Variants in SLCO3A1 observed in about 807,000 individuals in gnomAD.
The protein encoded by SLCO3A1 is solute carrier organic anion transporter family member 3A1.
Under a neutral mutation model 63.1 loss-of-function variants are expected in SLCO3A1, and 27 were observed. The observed-to-expected ratio is 0.43, with a 90% CI of 0.32 to 0.59. The LOEUF (loss-of-function observed/expected upper bound fraction) is 0.59. SLCO3A1 is among the 20% of genes least tolerant of loss of function. SLCO3A1 has a pLI of 0.09. For missense variants in SLCO3A1, 773 were observed against 945.8 expected, an observed-to-expected ratio of 0.82 and a Z score of 2.40; for synonymous variants, 473 against 409.9, an observed-to-expected ratio of 1.15 and a Z score of -1.86.
chr15:91,860,376 T>C lies in SLCO3A1; in HGVS notation c.180+6288T>C, dbSNP rs575718373. On this transcript the variant is annotated intron_variant, in intron 1 of 9. Transcript: ENST00000318445. The surrounding 1 kb of genome is among the most constrained non-coding windows in gnomAD (Gnocchi z 5.5). ...AGCCTCATCTGAAAAATGGGGATAA[T>C]GATCAAGCTTATCTTACAGATGGTT... is the stretch of plus-strand genomic sequence containing the variant. 3.8e-4 allele frequency among the ~76,000 whole-genome samples: 58 copies of C among 152,342 alleles called. No individual in the cohort carries two copies. The highest frequency in any genetic ancestry group is 1.3e-3 in the African/African-American group (56 of 41,586).
rs1337034638 is a variant in SLCO3A1, at chr15:92,094,759, T to G, written c.647-122T>G. On this transcript the variant is annotated intron_variant, in intron 2 of 9. Transcript: ENST00000318445. ...ATTCAGCCTTTCCCCTCTAGGATTT[T>G]TAGATGAATTCCTAATGTCATCTCA... 4 of 642,826 alleles carry G rather than the reference T, an allele frequency of 6.2e-6. No individual in the cohort carries two copies. In the East Asian group the frequency reaches 8.0e-5, roughly 13 times the overall value. 39.8% of individuals were successfully genotyped at this position (642,826 alleles called of 1,614,324 possible).
chr15:91,880,260 C>T (rs1329373257), intron 1 of SLCO3A1, among the ~76,000 whole-genome samples: 1 of 152,046 alleles, frequency 6.6e-6, no homozygotes, highest in African/African-American at 2.4e-5. Context: ...ATCCTGTACA[C>T]ACTCTACCCA....
chr15:92,108,129 C>T (rs1004433474), intron 4 of SLCO3A1, among the ~76,000 whole-genome samples: 17 of 152,154 alleles, frequency 1.1e-4, no homozygotes, highest in African/African-American at 2.2e-4. Context: ...ATGGAAAGCC[C>T]GGAGTCTTGC....
intron 1 of SLCO3A1, among the ~76,000 whole-genome samples, chr15:91,864,880 C>T (rs1199833101): frequency 1.3e-5 from 2 of 152,316 alleles, no homozygotes. Flanking sequence ...TTTCTTCCTA[C>T]CTCCCTCCAC....
At chr15:92,028,232 A>G (rs2046600228) in intron 2 of SLCO3A1, among the ~76,000 whole-genome samples, 1 of 152,030 alleles carries the variant, frequency 6.6e-6, no homozygotes, top group African/African-American at 2.4e-5. Flanking sequence ...CCTCCTGGGA[A>G]TTTCCACAAG....
intron 4 of SLCO3A1, 83 bp downstream of exon 4, chr15:92,104,625 C>T (rs989311359): frequency 1.4e-6 from 2 of 1,427,376 alleles, no homozygotes; most frequent in Non-Finnish European, 1.9e-6. Flanking sequence ...GCACCCAGGA[C>T]TGGGGTGCTT....
chr15:91,931,819 A>ACACACACACT (rs1219494698), intron 2 of SLCO3A1, among the ~76,000 whole-genome samples: 2 of 151,704 alleles, frequency 1.3e-5, no homozygotes, highest in African/African-American at 4.9e-5. Context: ...ACACACACAC[A>ACACACACACT]CACTCACACA....
chr15:92,133,205 C>T (rs4777704), intron 7 of SLCO3A1, among the ~76,000 whole-genome samples: 26,810 of 145,532 alleles, frequency 0.18, 5,440 homozygotes, highest in East Asian at 0.37. Flanking sequence ...ACATGTCCCT[C>T]GGGGGATATC....
At position 91,957,141 on chromosome 15, in the gene SLCO3A1, ATTATAATATATATATATATTTT is replaced by A. The variant is rs1567037843; in HGVS notation, c.646+40686_646+40707del. Among the ~76,000 whole-genome samples the A allele has an allele frequency of 3.5e-4, 3 of 8,508 alleles. No individual in the cohort carries two copies. In the African/African-American group the frequency reaches 3.7e-3, roughly 10 times the overall value. 5.6% of individuals were successfully genotyped at this position (8,508 alleles called of 152,430 possible). ...AATATATATAATATATATACTATAT[ATTATAATATATATATATATTTT>A]TTTTTTTAGTAGAGACGGGGTTTTA... is the stretch of plus-strand genomic sequence containing the variant. On this transcript the variant is annotated intron_variant, in intron 2 of 9. Transcript: ENST00000318445.
chr15:91,866,574 TTAAA>T (rs1052274501), intron 1 of SLCO3A1, among the ~76,000 whole-genome samples: 9 of 144,646 alleles, frequency 6.2e-5, no homozygotes, highest in Non-Finnish European at 1.4e-4. Flanking sequence ...GCTCCTTTTT[TTAAA>T]AAAAAAAAAA....
chr15:92,048,790 C>T (rs1035976240), intron 2 of SLCO3A1, among the ~76,000 whole-genome samples: 2 of 152,190 alleles, frequency 1.3e-5, no homozygotes, highest in African/African-American at 4.8e-5. Flanking sequence ...CCCAGCTCCT[C>T]GGGAGGCTGA....
rs1244427285 is a variant in SLCO3A1 at position 91,859,058 on chromosome 15, T to G, written c.180+4970T>G. 2.0e-5 allele frequency among the ~76,000 whole-genome samples: 3 copies of G among 152,264 alleles called. No homozygotes were observed. In the East Asian group the frequency reaches 5.8e-4, roughly 29 times the overall value. ...AGTCAAAGTACTTCTCTTCTGCATA[T>G]GTACTCTATTCTGTACATTGCCGCA... On this transcript the variant is annotated intron_variant, in intron 1 of 9. Transcript: ENST00000318445. This position sits in a 1 kb window ranked among gnomAD's most constrained non-coding sequence, Gnocchi z 5.1.
chr15:92,090,314 A>G (rs1030690387), intron 2 of SLCO3A1, among the ~76,000 whole-genome samples: 2 of 152,348 alleles, frequency 1.3e-5, no homozygotes, highest in East Asian at 3.9e-4. Context: ...TGTTTCCCTT[A>G]GAAACTCAAG....
chr15:91,890,628 C>G (rs1174460149), intron 1 of SLCO3A1, among the ~76,000 whole-genome samples: 1 of 152,242 alleles, frequency 6.6e-6, no homozygotes, highest in Non-Finnish European at 1.5e-5. Context: ...AAAATGCTTT[C>G]TGATCCCCAT....
chr15:91,956,896 T>C (rs1183473190), intron 2 of SLCO3A1, among the ~76,000 whole-genome samples: 1 of 121,510 alleles, frequency 8.2e-6, no homozygotes, highest in Non-Finnish European at 1.6e-5. Context: ...TTCAAGCGAA[T>C]CTTCTGCCTC....
At chr15:92,125,532 CTCTCTCTATGG>C (rs1456960831) in intron 5 of SLCO3A1, among the ~76,000 whole-genome samples, 1 of 151,874 alleles carries the variant, frequency 6.6e-6, no homozygotes, top group Non-Finnish European at 1.5e-5. Context: ...GGTTCAAACA[CTCTCTCTATGG>C]CCTGGTGAAT....
intron 2 of SLCO3A1, among the ~76,000 whole-genome samples, chr15:92,049,091 A>G (rs1277631429): frequency 2.0e-5 from 3 of 152,176 alleles, no homozygotes; most frequent in African/African-American, 4.8e-5. Flanking sequence ...GTCAAAACCC[A>G]TGATCTTAGA....
chr15:91,903,807 C>T (rs916630594), intron 1 of SLCO3A1, among the ~76,000 whole-genome samples: 1 of 152,118 alleles, frequency 6.6e-6, no homozygotes, highest in Non-Finnish European at 1.5e-5. Flanking sequence ...TGAGGTGTAC[C>T]GAGCAAATGG....
chr15:92,089,415 C>T (rs1256309563), intron 2 of SLCO3A1, among the ~76,000 whole-genome samples: 2 of 152,152 alleles, frequency 1.3e-5, no homozygotes, highest in Non-Finnish European at 2.9e-5. Context: ...AGCCCCTCAC[C>T]ATCATGTACT....
Sources: allele counts gnomAD v4.1 joint callset (sites outside exome capture counted in the v4.1 genomes callset), GRCh38; gene constraint gnomAD v4.1.1; non-coding constraint Gnocchi (gnomAD v3.1); transcripts MANE v1.5; gene names NCBI Gene and HGNC (gene_info 2026-07-23, HGNC 2026-07-21).